The following TMEM116 variants were observed in gnomAD, a reference collection of about 807,000 sequenced individuals.
The protein encoded by TMEM116 is transmembrane protein 116.
A neutral mutation model predicts 44.3 loss-of-function variants in TMEM116; 38 were observed. The observed-to-expected ratio is 0.86, with a 90% CI of 0.66 to 1.12. The LOEUF (loss-of-function observed/expected upper bound fraction) is 1.12. TMEM116 is among the 50% of genes most tolerant of loss of function. The pLI is 0.00. For synonymous variants in TMEM116, 132 were observed against 144.8 expected, an observed-to-expected ratio of 0.91 and a Z score of 0.64; for missense variants, 354 against 401.7, an observed-to-expected ratio of 0.88 and a Z score of 1.01.
At chr12:111,960,610 G>C (rs752473953) in intron 4 of TMEM116, among the ~76,000 whole-genome samples, 1 of 150,930 alleles carries the variant, frequency 6.6e-6, no homozygotes, top group Admixed American at 6.6e-5. Flanking sequence ...GAAGCAATAC[G>C]TAAGTTCTTT....
intron 1 of TMEM116, among the ~76,000 whole-genome samples, chr12:112,006,827 A>C (rs1023021823): frequency 3.3e-5 from 5 of 152,260 alleles, no homozygotes; most frequent in African/African-American, 9.6e-5. Context: ...TCTAGCCATA[A>C]TTTCATATAG....
chr12:111,967,787 T>C (rs573829819), intron 4 of TMEM116, among the ~76,000 whole-genome samples: 1 of 152,212 alleles, frequency 6.6e-6, no homozygotes, highest in East Asian at 1.9e-4. Flanking sequence ...CTGTATTTAC[T>C]CTCCTAGCAA....
chr12:112,007,035 T>C (rs1392403635), intron 1 of TMEM116, among the ~76,000 whole-genome samples: 1 of 151,876 alleles, frequency 6.6e-6, no homozygotes, highest in Non-Finnish European at 1.5e-5. Context: ...AGGCCAGGAG[T>C]TTGAGGCTGC....
chr12:111,958,307 A>C (rs2074313664), intron 4 of TMEM116, among the ~76,000 whole-genome samples: 1 of 132,754 alleles, frequency 7.5e-6, no homozygotes, highest in Admixed American at 7.8e-5. Context: ...AAAAAAAAAA[A>C]ATAGGAGGCC....
At chr12:111,972,739 T>C (rs1555218424) in intron 4 of TMEM116, among the ~76,000 whole-genome samples, 1 of 150,330 alleles carries the variant, frequency 6.7e-6, no homozygotes, top group Non-Finnish European at 1.5e-5. Context: ...ATTAGCCAGG[T>C]GTGGTGGCGT....
chr12:111,956,443 T>C (rs2074089604), intron 4 of TMEM116, among the ~76,000 whole-genome samples: 1 of 152,162 alleles, frequency 6.6e-6, no homozygotes, highest in Non-Finnish European at 1.5e-5. Context: ...ATCCCTGACA[T>C]TGCTCTAAGA....
intron 1 of TMEM116, chr12:112,012,014 C>G (rs1012179483): frequency 2.6e-5 from 4 of 152,242 alleles, no homozygotes; most frequent in East Asian, 1.9e-4. Flanking sequence ...TTCGAATCCG[C>G]CCCATGGAAG....
chr12:112,005,979 G>A (rs898059131), intron 1 of TMEM116: 20 of 985,782 alleles, frequency 2.0e-5, no homozygotes, highest in Non-Finnish European at 1.8e-5. Context: ...GAATGCTAGC[G>A]TCTAGTGGAA....
chr12:111,947,708 T>C (rs888547510), intron 4 of TMEM116, among the ~76,000 whole-genome samples: 5 of 152,212 alleles, frequency 3.3e-5, no homozygotes, highest in African/African-American at 1.2e-4. Context: ...TCCCTACAGG[T>C]ATCTGCAATC....
At chr12:112,011,661 C>G (rs2077842712) in intron 1 of TMEM116, 1 of 152,220 alleles carries the variant, frequency 6.6e-6, no homozygotes, top group Non-Finnish European at 1.5e-5. Flanking sequence ...TGGCTTTAGT[C>G]CCGTCTTCTC....
chr12:111,993,560 G>A (rs2136641151), intron 3 of TMEM116: 1 of 545,582 alleles, frequency 1.8e-6, no homozygotes. Context: ...ACCCAACCAG[G>A]TTAGACCAAG....
intron 4 of TMEM116, among the ~76,000 whole-genome samples, chr12:111,945,359 A>AG (rs1222754642): frequency 1.3e-5 from 2 of 150,566 alleles, no homozygotes; most frequent in African/African-American, 4.9e-5. Flanking sequence ...AAAAAAAAAA[A>AG]AAAAAAAAAA....
chr12:112,000,223 A>C (rs1388832650), intron 3 of TMEM116, among the ~76,000 whole-genome samples: 2 of 152,244 alleles, frequency 1.3e-5, no homozygotes, highest in Non-Finnish European at 2.9e-5. Flanking sequence ...ATAATTAACC[A>C]AGGAGTTCAA....
At chr12:112,003,889 C>T in intron 2 of TMEM116, 26 bp from the exon 3 acceptor site, 1 of 1,482,796 alleles carries the variant, frequency 6.7e-7, no homozygotes, top group South Asian at 1.4e-5. Context: ...GATGATTGAT[C>T]ATTAAAGCAG....
intron 4 of TMEM116, among the ~76,000 whole-genome samples, chr12:111,952,184 G>A (rs1565891013): frequency 6.6e-6 from 1 of 152,106 alleles, no homozygotes; most frequent in African/African-American, 2.4e-5. Flanking sequence ...AGCCAAGATT[G>A]AGCCACTGCA....
At chr12:111,982,467 AT>A (rs2075992573) in intron 4 of TMEM116, among the ~76,000 whole-genome samples, 1 of 151,860 alleles carries the variant, frequency 6.6e-6, no homozygotes, top group Non-Finnish European at 1.5e-5. Context: ...CGCCCAGCTA[AT>A]TTTTTGTATT....
At chr12:111,984,607 A>G (rs928877299) in intron 4 of TMEM116, among the ~76,000 whole-genome samples, 2 of 152,078 alleles carry the variant, frequency 1.3e-5, no homozygotes, top group African/African-American at 4.8e-5. Context: ...CAGTATAACT[A>G]TTGCTTATAA....
intron 4 of TMEM116, among the ~76,000 whole-genome samples, chr12:111,947,991 T>C (rs545816182): frequency 6.6e-6 from 1 of 152,230 alleles, no homozygotes; most frequent in Non-Finnish European, 1.5e-5. Context: ...TGTTTTTTGT[T>C]TCCTGTTGGG....
At chr12:111,970,241 G>A (rs2075250748) in intron 4 of TMEM116, among the ~76,000 whole-genome samples, 1 of 150,526 alleles carries the variant, frequency 6.6e-6, no homozygotes, top group African/African-American at 2.4e-5. Context: ...ATCATGCCAT[G>A]CCACTACCCT....
Sources: gnomAD v4.1 joint callset for allele counts (sites outside exome capture counted in the v4.1 genomes callset) on GRCh38, gnomAD v4.1.1 for gene constraint, MANE v1.5 for transcripts, NCBI Gene and HGNC (gene_info 2026-07-23, HGNC 2026-07-21) for gene names.